Variants in MINDY4 observed in about 807,000 individuals in gnomAD.
MINDY4 encodes the protein probable ubiquitin carboxyl-terminal hydrolase MINDY-4.
In MINDY4, 68 loss-of-function variants were observed where a neutral mutation model predicts 87.0. The observed-to-expected ratio is 0.78, with a 90% CI of 0.64 to 0.96. The LOEUF is 0.96. MINDY4 is among the 40% of genes least tolerant of loss of function. MINDY4 has a pLI of 0.00. For synonymous variants in MINDY4, 379 were observed against 363.2 expected (o/e 1.04, Z -0.50); for missense variants, 919 against 928.2 (o/e 0.99, Z 0.13).
intron 4 of MINDY4, among the ~76,000 whole-genome samples, chr7:30,789,175 CAG>C (rs56207509): frequency 0.59 from 90,190 of 151,812 alleles, 27,317 homozygotes; most frequent in South Asian, 0.74. Context: ...ACCGGTGAAC[CAG>C]AGAGGAGCGC....
chr7:30,771,510 T>TG lies in MINDY4; in HGVS notation c.19dup (p.Glu7GlyfsTer32). ...GCCAGAGCCATGGACAGCCTCTTCG[T>TG]GGAGGAGGTGGCCGCCTCCTTGGTC... On this transcript the variant is annotated frameshift_variant, in exon 1 of 18. Coordinates refer to ENST00000265299, the MANE Select transcript of MINDY4 (RefSeq NM_032222.3). LOFTEE classifies it high-confidence loss of function. The TG allele has an allele frequency of 3.1e-6, 5 of 1,605,680 alleles. No homozygotes were observed. The highest frequency in any genetic ancestry group is 4.2e-6 in the Non-Finnish European group (5 of 1,177,268).
chr7:30,846,034 G>A (rs1789205715), intron 9 of MINDY4, among the ~76,000 whole-genome samples: 1 of 152,240 alleles, frequency 6.6e-6, no homozygotes, highest in African/African-American at 2.4e-5. Context: ...AGAGGCGGGT[G>A]CGGATCTGAG....
At chr7:30,774,835 G>T (rs778769808) in intron 1 of MINDY4, among the ~76,000 whole-genome samples, 6 of 151,888 alleles carry the variant, frequency 4.0e-5, no homozygotes, top group Non-Finnish European at 5.9e-5. Flanking sequence ...GTGGGCTCAA[G>T]GACTTAGTTT....
At chr7:30,863,517 C>G (rs1789832505) in intron 13 of MINDY4, among the ~76,000 whole-genome samples, 3 of 152,208 alleles carry the variant, frequency 2.0e-5, no homozygotes, top group African/African-American at 7.2e-5. Flanking sequence ...AGTCGTTCCT[C>G]CCTCCTGGTG....
intron 1 of MINDY4, among the ~76,000 whole-genome samples, chr7:30,775,295 C>T (rs1011646605): frequency 1.3e-5 from 2 of 150,406 alleles, no homozygotes; most frequent in African/African-American, 5.0e-5. Flanking sequence ...TTCCCACAAC[C>T]CCCTCCACAG....
intron 17 of MINDY4, among the ~76,000 whole-genome samples, chr7:30,887,606 G>A (rs1326839083): frequency 6.6e-6 from 1 of 152,218 alleles, no homozygotes; most frequent in Non-Finnish European, 1.5e-5. Context: ...TTTCCCTGCT[G>A]AGTGCCTGGG....
At chr7:30,799,307 C>G (rs867895288) in intron 5 of MINDY4, among the ~76,000 whole-genome samples, 29 of 152,236 alleles carry the variant, frequency 1.9e-4, no homozygotes, top group African/African-American at 6.3e-4. Context: ...AAATAATGAG[C>G]CTGTAAACCA....
At position 30,882,922 on chromosome 7, in the gene MINDY4, C is replaced by T. The variant is rs1342734529; in HGVS notation, c.2154C>T (p.Asp718=). 6.2e-7 allele frequency: 1 copy of T among 1,613,872 alleles called. No individual in the cohort carries two copies. The highest frequency in any genetic ancestry group is 8.5e-7 in the Non-Finnish European group (1 of 1,179,872). The change falls in exon 17 of 18, where the codon GAC becomes GAT. Residue 718 remains aspartate (D), a splice_region_variant and synonymous_variant. Coordinates refer to ENST00000265299, the MANE Select transcript of MINDY4 (RefSeq NM_032222.3). ...NQQEQIRLTI[D]TTQTISEDTD... The stretch of plus-strand genomic sequence containing the variant: ...GTGTGCCTCTCTCCTCCTTCCCAGA[C>T]ACCACCCAAACCATCTCTGAGGACA...
chr7:30,789,598 T>C (rs542287823), intron 4 of MINDY4, among the ~76,000 whole-genome samples: 264 of 152,374 alleles, frequency 1.7e-3, no homozygotes, highest in African/African-American at 5.8e-3. Context: ...GAATGGTGAC[T>C]AATGTCTTCC....
chr7:30,828,189 T>G (rs964939495), intron 5 of MINDY4, among the ~76,000 whole-genome samples: 1 of 152,150 alleles, frequency 6.6e-6, no homozygotes, highest in Non-Finnish European at 1.5e-5. Flanking sequence ...AACACTTTGG[T>G]GCATGTCAGA....
intron 5 of MINDY4, among the ~76,000 whole-genome samples, chr7:30,826,734 G>A (rs1438848775): frequency 6.6e-6 from 1 of 152,212 alleles, no homozygotes; most frequent in African/African-American, 2.4e-5. Flanking sequence ...GTTACTTGCT[G>A]TGTAACCCTA....
intron 6 of MINDY4, among the ~76,000 whole-genome samples, chr7:30,830,186 G>T (rs1788655379): frequency 1.3e-5 from 2 of 152,256 alleles, no homozygotes; most frequent in South Asian, 4.2e-4. Context: ...GTAAACTCTT[G>T]TCAGCAATTA....
chr7:30,828,557 G>A (rs539537585), intron 5 of MINDY4, 122 bp from the exon 6 acceptor site: 482 of 996,266 alleles, frequency 4.8e-4, no homozygotes, highest in Non-Finnish European at 6.1e-4. Flanking sequence ...GCACACAGAG[G>A]CAAGGCCAAG....
At chr7:30,797,906 A>G (rs1436178597) in intron 5 of MINDY4, among the ~76,000 whole-genome samples, 3 of 152,188 alleles carry the variant, frequency 2.0e-5, no homozygotes, top group Non-Finnish European at 4.4e-5. Flanking sequence ...GTATACATAC[A>G]TACAGACATA....
intron 1 of MINDY4, 45 bp downstream of exon 1, chr7:30,771,601 G>T: frequency 6.4e-7 from 1 of 1,555,476 alleles, no homozygotes; most frequent in Non-Finnish European, 8.7e-7. Flanking sequence ...GCTCTAATTT[G>T]GGGGGATCAT....
At chr7:30,848,454 T>C (rs1307232126) in intron 9 of MINDY4, among the ~76,000 whole-genome samples, 5 of 152,146 alleles carry the variant, frequency 3.3e-5, no homozygotes, top group Non-Finnish European at 5.9e-5. Context: ...TGGCCATCAT[T>C]TGTATGAGAG....
At chr7:30,813,701 G>C (rs980890114) in intron 5 of MINDY4, among the ~76,000 whole-genome samples, 2 of 152,236 alleles carry the variant, frequency 1.3e-5, no homozygotes, top group African/African-American at 2.4e-5. Flanking sequence ...GGGTGTACTT[G>C]TCCGAACTGG....
intron 7 of MINDY4, among the ~76,000 whole-genome samples, chr7:30,838,018 A>G (rs1448280099): frequency 6.6e-6 from 1 of 152,196 alleles, no homozygotes; most frequent in East Asian, 1.9e-4. Context: ...GTCTGTAGGA[A>G]AGGTCTGACC....
intron 7 of MINDY4, among the ~76,000 whole-genome samples, chr7:30,838,941 A>G (rs1371747242): frequency 6.6e-6 from 1 of 152,236 alleles, no homozygotes; most frequent in Admixed American, 6.5e-5. Flanking sequence ...TAAGGAGCTT[A>G]CAAAGATTTT....
Sources: gnomAD v4.1 joint callset for allele counts (sites outside exome capture counted in the v4.1 genomes callset) on GRCh38, gnomAD v4.1.1 for gene constraint, MANE v1.5 for transcripts, NCBI Gene and HGNC (gene_info 2026-07-23, HGNC 2026-07-21) for gene names.